Variants in MARK3 observed in about 807,000 individuals in gnomAD.
MARK3 encodes microtubule affinity regulating kinase 3, also known as MAP/microtubule affinity-regulating kinase 3.
Under a neutral mutation model 90.1 loss-of-function variants are expected in MARK3, and 46 were observed. That is an observed-to-expected ratio of 0.51 (90% CI 0.40 to 0.65). The LOEUF is 0.65. MARK3 is among the 30% of genes least tolerant of loss of function. The pLI is 0.00. For missense variants in MARK3, 818 were observed against 947.2 expected (o/e 0.86, Z 1.79); for synonymous variants, 321 against 332.6 (o/e 0.97, Z 0.38).
intron 1 of MARK3, among the ~76,000 whole-genome samples, chr14:103,387,453 C>G (rs193053865): frequency 1.2e-4 from 18 of 151,792 alleles, no homozygotes; most frequent in African/African-American, 3.9e-4. Flanking sequence ...TCCTTATAGT[C>G]CTTTTAAAGA....
chr14:103,490,476 C>G (rs1036381098), intron 14 of MARK3: 2 of 151,888 alleles, frequency 1.3e-5, no homozygotes, highest in African/African-American at 4.8e-5. Flanking sequence ...CTTGAAGCCA[C>G]AAATTTAAGA....
At chr14:103,426,909 A>ATT (rs758359539) in intron 2 of MARK3, among the ~76,000 whole-genome samples, 80,487 of 145,728 alleles carry the variant, frequency 0.55, 23,609 homozygotes, top group Non-Finnish European at 0.68. Context: ...AAAAAAAAAA[A>ATT]TTTTTAAAGT....
Position 103,491,912 on chromosome 14 carries a change from C to T in MARK3, c.1722C>T (p.Thr574=), listed in dbSNP as rs751734060. 4.3e-6 allele frequency: 7 copies of T among 1,614,140 alleles called. No homozygotes were observed. Among genetic ancestry groups the T allele is most frequent in the East Asian group, 2.2e-5 (1 of 44,880 alleles). Residue 574 remains threonine, a synonymous_variant, in exon 15 of 18, where the codon ACC becomes ACT. Coordinates refer to ENST00000429436, the MANE Select transcript of MARK3 (RefSeq NM_001128918.3). ...TFHGQPRERR[T]ATYNGPPASP... The stretch of plus-strand genomic sequence containing the variant: ...ACGGCCAGCCCCGGGAACGGCGAAC[C>T]GCAACATATAATGGCCCTCCTGCCT...
chr14:103,428,346 C>T (rs1473037581), intron 2 of MARK3, 41 bp from the exon 3 acceptor site: 1 of 1,132,616 alleles, frequency 8.8e-7, no homozygotes, highest in Non-Finnish European at 1.3e-6. Flanking sequence ...TCCATAATTA[C>T]TAAATTCTTA....
intron 2 of MARK3, among the ~76,000 whole-genome samples, chr14:103,424,183 C>G (rs1434840949): frequency 1.3e-5 from 2 of 151,848 alleles, no homozygotes; most frequent in Non-Finnish European, 2.9e-5. Flanking sequence ...GCACTCCAGC[C>G]TGGGTGACAG....
At chr14:103,393,480 C>G (rs1438338019) in intron 1 of MARK3, among the ~76,000 whole-genome samples, 1 of 152,094 alleles carries the variant, frequency 6.6e-6, no homozygotes, top group African/African-American at 2.4e-5. Flanking sequence ...AAGTTGATCT[C>G]TGAAGAATTC....
intron 3 of MARK3, among the ~76,000 whole-genome samples, chr14:103,431,149 G>A (rs746504493): frequency 3.9e-5 from 6 of 152,054 alleles, no homozygotes; most frequent in African/African-American, 7.2e-5. Flanking sequence ...GTGCAGTAGT[G>A]GGATCTGAGT....
intron 12 of MARK3, among the ~76,000 whole-genome samples, chr14:103,468,806 T>TA (rs777033312): frequency 3.3e-5 from 5 of 150,898 alleles, no homozygotes; most frequent in East Asian, 2.0e-4. Context: ...TTTTTTTTTT[T>TA]AAATGGAGAT....
chr14:103,493,062 C>T lies in MARK3; in HGVS notation c.1844+1028C>T, dbSNP rs553705670. ...TTTCCCGAGTCTGAAATGATCAGTA[C>T]CCTCCTCTGTTTTTCTGCATTCCCT... is the stretch of plus-strand genomic sequence containing the variant. On this transcript the variant is annotated intron_variant, in intron 15 of 17. Transcript: ENST00000429436. Among the ~76,000 whole-genome samples, 5 of 152,182 alleles carry T rather than the reference C, an allele frequency of 3.3e-5. No individual in the cohort carries two copies. In the East Asian group the frequency reaches 9.7e-4, roughly 29 times the overall value.
chr14:103,476,925 A>G (rs559516600), intron 13 of MARK3, among the ~76,000 whole-genome samples: 2 of 152,188 alleles, frequency 1.3e-5, no homozygotes, highest in Admixed American at 1.3e-4. Context: ...TCCGTCTCCA[A>G]CGTTTGTTGA....
chr14:103,432,731 C>T (rs186998212), intron 3 of MARK3, among the ~76,000 whole-genome samples: 28 of 152,230 alleles, frequency 1.8e-4, no homozygotes, highest in African/African-American at 6.3e-4. Flanking sequence ...TGGTGTGTAC[C>T]TGTAGTTCCA....
chr14:103,442,326 T>C (rs2092879144), intron 3 of MARK3, among the ~76,000 whole-genome samples: 2 of 150,834 alleles, frequency 1.3e-5, no homozygotes, highest in African/African-American at 4.9e-5. Flanking sequence ...GCGGACATCG[T>C]GCCACTGCAG....
At position 103,466,354 on chromosome 14, in the gene MARK3, G is replaced by T. The variant is rs1468881067; in HGVS notation, c.909G>T (p.Lys303Asn). ...TTTACCTTTTTTAGCAAATCATGAA[G>T]GACAGGTGGATCAATGCAGGGCATG... ...IKRGTLEQIM[K>N]DRWINAGHEE... The change falls in exon 10 of 18, where the codon AAG (lysine) becomes AAT (asparagine). Residue 303 changes from lysine (K) to asparagine (N), a missense_variant. Physicochemically the swap from Lys to Asn is moderately conservative, Grantham distance 94. Coordinates refer to ENST00000429436, the MANE Select transcript of MARK3 (RefSeq NM_001128918.3). 1 of 1,612,278 alleles carries T rather than the reference G, an allele frequency of 6.2e-7. No homozygotes were observed.
At chr14:103,490,245 G>C (rs141410044) in intron 14 of MARK3, 1 of 152,320 alleles carries the variant, frequency 6.6e-6, no homozygotes, top group African/African-American at 2.4e-5. Context: ...AGCCCAGGAA[G>C]TTGAGGCTGC....
At chr14:103,452,040 C>T in intron 5 of MARK3, 57 bp downstream of exon 5, 1 of 1,140,100 alleles carries the variant, frequency 8.8e-7, no homozygotes, top group Non-Finnish European at 1.3e-6. Flanking sequence ...TAAAAAAATA[C>T]ACAACCATAC....
rs541515169 is a variant in MARK3 at position 103,415,826 on chromosome 14, C to T, written c.243+10559C>T. 4.6e-5 allele frequency among the ~76,000 whole-genome samples: 7 copies of T among 152,244 alleles called. No homozygotes were observed. In the East Asian group the frequency reaches 1.3e-3, roughly 29 times the overall value. ...CTAATGACAATCAGAAGTTTCTTTT[C>T]TTATCCCTCTTTTTCCTCAGCATTA... On this transcript the variant is annotated intron_variant, in intron 2 of 17. Transcript: ENST00000429436.
chr14:103,484,169 TTTTTTTC>T (rs770203962), intron 14 of MARK3, among the ~76,000 whole-genome samples: 3 of 151,146 alleles, frequency 2.0e-5, no homozygotes, highest in Non-Finnish European at 4.4e-5. Flanking sequence ...TTTTCTTTTT[TTTTTTTC>T]TTTTTTTCTT....
intron 6 of MARK3, among the ~76,000 whole-genome samples, chr14:103,458,467 A>AG (rs1225049525): frequency 4.1e-5 from 6 of 147,642 alleles, no homozygotes; most frequent in South Asian, 2.1e-4. Context: ...AAAAAAAAAA[A>AG]AAAAAAAAGA....
intron 12 of MARK3, 60 bp from the exon 13 acceptor site, chr14:103,474,933 G>T (rs191346599): frequency 7.3e-7 from 1 of 1,366,112 alleles, no homozygotes. Flanking sequence ...TATGGTTACT[G>T]TCACAAAATA....
Sources: gnomAD v4.1 joint callset for allele counts (sites outside exome capture counted in the v4.1 genomes callset) on GRCh38, gnomAD v4.1.1 for gene constraint, MANE v1.5 for transcripts, NCBI Gene and HGNC (gene_info 2026-07-23, HGNC 2026-07-21) for gene names.